Variants in NTNG1 observed in about 807,000 individuals in gnomAD.
The protein encoded by NTNG1 is netrin-G1.
NTNG1 carries 16 observed loss-of-function variants against 54.0 expected under a neutral mutation model. The observed-to-expected ratio is 0.30, with a 90% CI of 0.20 to 0.45. The LOEUF (loss-of-function observed/expected upper bound fraction) is 0.45, where lower values mean the gene tolerates loss of function less well. Among genes scored for constraint, NTNG1 ranks in the 20% least tolerant of loss-of-function variants. The probability of loss-of-function intolerance (pLI) is 1.00; values close to 1 mark genes in which losing one functional copy is unlikely to be tolerated. For missense variants in NTNG1, 530 were observed against 678.7 expected (o/e 0.78, Z 2.43); for synonymous variants, 255 against 263.1 (o/e 0.97, Z 0.30).
At chr1:107,337,579 A>G (rs1239083259) in intron 3 of NTNG1, among the ~76,000 whole-genome samples, 2 of 152,054 alleles carry the variant, frequency 1.3e-5, no homozygotes, top group Non-Finnish European at 2.9e-5. Context: ...TAATGCCACA[A>G]AACTGTACAT....
chr1:107,319,063 A>T (rs768552521), intron 2 of NTNG1, among the ~76,000 whole-genome samples: 1 of 152,026 alleles, frequency 6.6e-6, no homozygotes, highest in Non-Finnish European at 1.5e-5. Context: ...GATTGTTCTT[A>T]CCTCTGGTAC....
At chr1:107,356,493 C>T (rs568665139) in intron 3 of NTNG1, among the ~76,000 whole-genome samples, 1 of 152,144 alleles carries the variant, frequency 6.6e-6, no homozygotes, top group East Asian at 2.0e-4. Context: ...AGGGTTTTTC[C>T]ACATTGGCCA....
chr1:107,454,942 A>G (rs1056690685), intron 7 of NTNG1, among the ~76,000 whole-genome samples: 3 of 152,164 alleles, frequency 2.0e-5, no homozygotes, highest in Non-Finnish European at 4.4e-5. Flanking sequence ...ACCAACATAC[A>G]TTCATCGTTC....
intron 2 of NTNG1, among the ~76,000 whole-genome samples, chr1:107,190,493 T>G (rs909648981): frequency 6.6e-6 from 1 of 152,144 alleles, no homozygotes; most frequent in Non-Finnish European, 1.5e-5. Flanking sequence ...TTGTTACATA[T>G]GTATACATGT....
chr1:107,157,009 G>A (rs1451010035), intron 2 of NTNG1, among the ~76,000 whole-genome samples: 1 of 152,152 alleles, frequency 6.6e-6, no homozygotes, highest in Non-Finnish European at 1.5e-5. Context: ...TTGGAACACA[G>A]TAAACACACA....
At chr1:107,361,387 A>ATT (rs1318405346) in intron 3 of NTNG1, among the ~76,000 whole-genome samples, 62 of 76,730 alleles carry the variant, frequency 8.1e-4, no homozygotes, top group Non-Finnish European at 1.2e-3. Context: ...ATATATATAT[A>ATT]TATATTTTTT....
chr1:107,333,777 G>A (rs1367207762), intron 3 of NTNG1, among the ~76,000 whole-genome samples: 1 of 150,810 alleles, frequency 6.6e-6, no homozygotes, highest in Admixed American at 6.6e-5. Flanking sequence ...GTGAAAAAGT[G>A]AGACTGTCGT....
At chr1:107,215,968 A>G (rs1292963877) in intron 2 of NTNG1, among the ~76,000 whole-genome samples, 3 of 152,128 alleles carry the variant, frequency 2.0e-5, no homozygotes, top group Non-Finnish European at 4.4e-5. Flanking sequence ...GGTGTATAGC[A>G]CGGCTACTGA....
chr1:107,305,070 C>CT (rs1193164351), intron 2 of NTNG1, among the ~76,000 whole-genome samples: 2 of 152,068 alleles, frequency 1.3e-5, no homozygotes, highest in African/African-American at 4.8e-5. Context: ...ATGAATTTAT[C>CT]TTTTTTTATG....
At chr1:107,427,478 C>T (rs998726983) in intron 5 of NTNG1, among the ~76,000 whole-genome samples, 2 of 151,970 alleles carry the variant, frequency 1.3e-5, no homozygotes, top group African/African-American at 4.8e-5. Flanking sequence ...GTGGAAAGAC[C>T]AGGTATTAAA....
intron 2 of NTNG1, among the ~76,000 whole-genome samples, chr1:107,152,909 A>G (rs1373207600): frequency 6.6e-6 from 1 of 152,150 alleles, no homozygotes; most frequent in Non-Finnish European, 1.5e-5. Context: ...AAAAGGTATA[A>G]TTTTTCTAAA....
At chr1:107,227,467 C>T (rs1557826682) in intron 2 of NTNG1, among the ~76,000 whole-genome samples, 1 of 152,132 alleles carries the variant, frequency 6.6e-6, no homozygotes, top group Admixed American at 6.5e-5. Flanking sequence ...ACCTTCATTA[C>T]ATTTGTGTGC....
chr1:107,216,429 G>C (rs1317216868), intron 2 of NTNG1, among the ~76,000 whole-genome samples: 1 of 152,070 alleles, frequency 6.6e-6, no homozygotes, highest in Non-Finnish European at 1.5e-5. Context: ...TTTTAATTCT[G>C]TTTATCTGAT....
At chr1:107,376,437 A>AAAAACAAAAAAAC (rs1671267462) in intron 3 of NTNG1, among the ~76,000 whole-genome samples, 1 of 150,604 alleles carries the variant, frequency 6.6e-6, no homozygotes, top group African/African-American at 2.4e-5. Flanking sequence ...AACAAAAAAA[A>AAAAACAAAAAAAC]AAAATTTGCT....
intron 3 of NTNG1, among the ~76,000 whole-genome samples, chr1:107,375,457 C>T (rs768752795): frequency 2.0e-5 from 3 of 152,182 alleles, no homozygotes; most frequent in Non-Finnish European, 4.4e-5. Flanking sequence ...GTTACTCCAA[C>T]TTGGTTGTAA....
At position 107,394,271 on chromosome 1, in the gene NTNG1, T is replaced by C. The variant is rs1672546201; in HGVS notation, c.888-883T>C. Among the ~76,000 whole-genome samples, 3 of 152,286 alleles carry C rather than the reference T, an allele frequency of 2.0e-5. No homozygotes were observed. In the South Asian group the frequency reaches 6.2e-4, roughly 32 times the overall value. ...TCCTGCTGCCTCAACAAATATCAAG[T>C]TAGCCACTGCAATTTTATAGTCAAA... On this transcript the variant is annotated intron_variant, in intron 3 of 7. Coordinates refer to ENST00000370068, the MANE Select transcript of NTNG1 (RefSeq NM_001113226.3).
chr1:107,203,195 A>G (rs1189611535), intron 2 of NTNG1, among the ~76,000 whole-genome samples: 1 of 145,904 alleles, frequency 6.9e-6, no homozygotes, highest in East Asian at 2.0e-4. Context: ...TCAGTCACTC[A>G]TTTTTTTTTC....
chr1:107,436,475 T>A (rs1019965083), intron 6 of NTNG1, among the ~76,000 whole-genome samples, 190 bp from the exon 7 acceptor site: 1 of 152,210 alleles, frequency 6.6e-6, no homozygotes, highest in Non-Finnish European at 1.5e-5. Context: ...TCCCATATCA[T>A]AAAAATGATA....
intron 2 of NTNG1, among the ~76,000 whole-genome samples, chr1:107,284,084 A>G (rs1665040260): frequency 6.6e-6 from 1 of 152,032 alleles, no homozygotes; most frequent in Admixed American, 6.6e-5. Context: ...TAGTATACTT[A>G]TCTCCTTTTT....
Sources: allele counts gnomAD v4.1 joint callset (sites outside exome capture counted in the v4.1 genomes callset), GRCh38; gene constraint gnomAD v4.1.1; transcripts MANE v1.5; gene names NCBI Gene and HGNC (gene_info 2026-07-23, HGNC 2026-07-21).